Variants in RRM1 observed in about 807,000 individuals in gnomAD.
The protein encoded by RRM1 is ribonucleotide reductase catalytic subunit M1.
A neutral mutation model predicts 101.5 loss-of-function variants in RRM1; 19 were observed. That is an observed-to-expected ratio of 0.19 (90% CI 0.13 to 0.27). The LOEUF is 0.27. Ranked by LOEUF, RRM1 falls within the 10% of genes least tolerant of loss-of-function variation. The pLI is 1.00. For missense variants in RRM1, 500 were observed against 962.9 expected, an observed-to-expected ratio of 0.52 and a Z score of 6.36; for synonymous variants, 298 against 323.4, an observed-to-expected ratio of 0.92 and a Z score of 0.84.
At chr11:4,107,575 CTT>C (rs1350696077) in intron 4 of RRM1, 40 bp downstream of exon 4, 2 of 1,295,252 alleles carry the variant, frequency 1.5e-6, no homozygotes, top group Non-Finnish European at 2.2e-6. Context: ...TTTTGAGAGT[CTT>C]TTTTAATAAT....
intron 13 of RRM1, 60 bp from the exon 14 acceptor site, chr11:4,126,975 A>G (rs1384011758): frequency 6.7e-7 from 1 of 1,493,014 alleles, no homozygotes. Context: ...TTGGTACAGA[A>G]TGTTGCTTTT....
rs368842511 is a variant in RRM1, at chr11:4,102,638, C to T, written c.108+557C>T. On this transcript the variant is annotated intron_variant, in intron 2 of 18. Coordinates refer to ENST00000300738, the MANE Select transcript of RRM1 (RefSeq NM_001033.5). ...CTGCACTCCAGCCTGGGCGACAGAGCGAGACTCCCTCTCAAAAAAAAAAAA... is the reference window on the plus strand; with the variant it reads ...CTGCACTCCAGCCTGGGCGACAGAGTGAGACTCCCTCTCAAAAAAAAAAAA... 7.0e-5 allele frequency among the ~76,000 whole-genome samples: 10 copies of T among 141,936 alleles called. No individual in the cohort carries two copies. In the East Asian group the frequency reaches 1.9e-3, roughly 26 times the overall value. 93.1% of individuals were successfully genotyped at this position (141,936 alleles called of 152,430 possible). A position where few individuals can be genotyped will look rare whatever the true frequency, so the allele number is the denominator to read the frequency against.
chr11:4,094,939 C>A lies in RRM1; in HGVS notation c.-74C>A. 1 of 1,512,472 alleles carries A rather than the reference C, an allele frequency of 6.6e-7. No homozygotes were observed. The highest frequency in any genetic ancestry group is 9.0e-7 in the Non-Finnish European group (1 of 1,111,488). 93.7% of individuals were successfully genotyped at this position (1,512,472 alleles called of 1,614,324 possible). ...GAACCTAACCCTTCCCACTCTGTCA[C>A]CTTCTCGATCCCGCCGGCGCTTTAG... On this transcript the variant is annotated 5_prime_UTR_variant, in exon 1 of 19. Coordinates refer to ENST00000300738, the MANE Select transcript of RRM1 (RefSeq NM_001033.5).
chr11:4,111,668 CATTTTCTACTCATTAT>C, intron 6 of RRM1, 28 bp downstream of exon 6: 2 of 1,557,458 alleles, frequency 1.3e-6, no homozygotes, highest in South Asian at 2.3e-5. Flanking sequence ...TTGTCTGTTA[CATTTTCTACTCATTAT>C]ATTGAATGTA....
Position 4,094,920 on chromosome 11 carries a change from A to C in RRM1, c.-93A>C, listed in dbSNP as rs2094540885. The C allele has an allele frequency of 7.3e-6, 10 of 1,371,916 alleles. No individual in the cohort carries two copies. Among genetic ancestry groups the C allele is most frequent in the Non-Finnish European group, 2.0e-6 (2 of 983,548 alleles). 85.0% of individuals were successfully genotyped at this position (1,371,916 alleles called of 1,614,324 possible). On this transcript the variant is annotated 5_prime_UTR_variant, in exon 1 of 19. Transcript: ENST00000300738. ...TTCCCCTGAGCAGCGCCTGGAACCTAACCCTTCCCACTCTGTCACCTTCTC... is the reference window on the plus strand; with the variant it reads ...TTCCCCTGAGCAGCGCCTGGAACCTCACCCTTCCCACTCTGTCACCTTCTC...
At chr11:4,109,224 A>G (rs1430491177) in intron 4 of RRM1, among the ~76,000 whole-genome samples, 2 of 151,434 alleles carry the variant, frequency 1.3e-5, no homozygotes, top group Non-Finnish European at 2.9e-5. Flanking sequence ...AAATATATAT[A>G]TATATTAGTA....
chr11:4,135,425 A>G (rs924490741), intron 18 of RRM1, among the ~76,000 whole-genome samples, 155 bp downstream of exon 18: 1 of 152,226 alleles, frequency 6.6e-6, no homozygotes, highest in African/African-American at 2.4e-5. Context: ...TTTTTGTACC[A>G]GAACAGGGTC....
intron 11 of RRM1, among the ~76,000 whole-genome samples, chr11:4,122,806 GA>G (rs1480415162): frequency 6.6e-6 from 1 of 151,866 alleles, no homozygotes; most frequent in Non-Finnish European, 1.5e-5. Context: ...CTGGGAGGTG[GA>G]GGTTGCAGTG....
Position 4,102,158 on chromosome 11 carries a change from C to T in RRM1, c.108+77C>T, listed in dbSNP as rs556110872. 1,929 of 768,980 alleles carry T rather than the reference C, an allele frequency of 2.5e-3. 11 individuals are homozygous for T. The highest frequency in any genetic ancestry group is 2.6e-3 in the Non-Finnish European group (1,157 of 439,942). The allele number at this position is 768,980 out of a possible 1,614,324, so 47.6% of individuals were successfully genotyped here. ...CATTTGTCTCTTATCCCTGGACCTT[C>T]ATTCACCTGATATACTTTGGTATTC... On this transcript the variant is annotated intron_variant, in intron 2 of 18. Transcript: ENST00000300738.
In RRM1 at chr11:4,113,101, C is replaced by T. The variant is rs185246727; in HGVS notation, c.650+1039C>T. Among the ~76,000 whole-genome samples the T allele has an allele frequency of 1.3e-4, 18 of 143,110 alleles. No homozygotes were observed. The East Asian group carries it at 2.7e-3, about 22-fold the overall frequency. 93.9% of individuals were successfully genotyped at this position (143,110 alleles called of 152,430 possible). A position where few individuals can be genotyped will look rare whatever the true frequency, so the allele number is the denominator to read the frequency against. On this transcript the variant is annotated intron_variant, in intron 7 of 18. Coordinates refer to ENST00000300738, the MANE Select transcript of RRM1 (RefSeq NM_001033.5). The stretch of plus-strand genomic sequence containing the variant: ...CATTTGTTGAGAAAAGGAACACTAA[C>T]GGTCTGGTAATACATTAAAAAAAAA...
intron 18 of RRM1, chr11:4,137,043 C>T (rs371171028): frequency 0.029 from 5,811 of 201,526 alleles, 310 homozygotes; most frequent in African/African-American, 0.12. Context: ...CCATTTAACC[C>T]TGAGTGGACA....
intron 14 of RRM1, among the ~76,000 whole-genome samples, chr11:4,128,368 T>C (rs2094593489): frequency 6.6e-6 from 1 of 152,192 alleles, no homozygotes; most frequent in African/African-American, 2.4e-5. Flanking sequence ...TGCCTTGGCC[T>C]CCCAAAGTGC....
chr11:4,121,855 CAT>C, intron 10 of RRM1, 90 bp downstream of exon 10: 6 of 1,262,986 alleles, frequency 4.8e-6, no homozygotes, highest in Non-Finnish European at 6.6e-6. Context: ...AGGAAGAGCC[CAT>C]ATGTGTGTGA....
Position 4,132,241 on chromosome 11 carries a change from G to T in RRM1, c.1770-45G>T. 1 of 1,606,446 alleles carries T rather than the reference G, an allele frequency of 6.2e-7. No homozygotes were observed. Among genetic ancestry groups the T allele is most frequent in the Non-Finnish European group, 8.5e-7 (1 of 1,173,798 alleles). On this transcript the variant is annotated intron_variant, in intron 15 of 18. Coordinates refer to ENST00000300738, the MANE Select transcript of RRM1 (RefSeq NM_001033.5). This position sits in a 1 kb window ranked among gnomAD's most constrained non-coding sequence, Gnocchi z 4.1. ...ACTTAAAGTAGCTGCTTTCCTGGCA[G>T]ATTGTAGCTTTGGGACTAGTACCTG...
At chr11:4,128,128 A>C (rs1042940312) in intron 14 of RRM1, among the ~76,000 whole-genome samples, 1 of 150,430 alleles carries the variant, frequency 6.6e-6, no homozygotes, top group South Asian at 2.1e-4. Flanking sequence ...TTAGGTCCAC[A>C]TAGGATAATG....
At chr11:4,116,587 G>A (rs2094573766) in intron 7 of RRM1, among the ~76,000 whole-genome samples, 1 of 152,118 alleles carries the variant, frequency 6.6e-6, no homozygotes, top group African/African-American at 2.4e-5. Flanking sequence ...GTGAGACTCT[G>A]TCTCAAAAAC....
At chr11:4,097,278 C>CAAAAA in intron 1 of RRM1, among the ~76,000 whole-genome samples, 1 of 68,856 alleles carries the variant, frequency 1.5e-5, no homozygotes, top group Non-Finnish European at 2.8e-5. Flanking sequence ...CACTCTGTCT[C>CAAAAA]AAAAAAAAAA....
intron 7 of RRM1, among the ~76,000 whole-genome samples, chr11:4,117,984 T>C (rs533568018): frequency 6.6e-6 from 1 of 152,354 alleles, no homozygotes; most frequent in East Asian, 1.9e-4. Context: ...GACGGTGATG[T>C]ATGTTTATGA....
intron 9 of RRM1, 26 bp downstream of exon 9, chr11:4,119,954 G>A: frequency 7.3e-7 from 1 of 1,372,054 alleles, no homozygotes; most frequent in East Asian, 2.3e-5. Flanking sequence ...TGAAAGTACT[G>A]GAAATCAGAA....
Sources: allele counts gnomAD v4.1 joint callset (sites outside exome capture counted in the v4.1 genomes callset), GRCh38; gene constraint gnomAD v4.1.1; non-coding constraint Gnocchi (gnomAD v3.1); transcripts MANE v1.5; gene names NCBI Gene and HGNC (gene_info 2026-07-23, HGNC 2026-07-21).